Variants in CACNA1C observed in about 807,000 individuals in gnomAD.
CACNA1C encodes the protein calcium voltage-gated channel subunit alpha1 C.
Under a neutral mutation model 229.0 loss-of-function variants are expected in CACNA1C, and 30 were observed. The observed-to-expected ratio is 0.13, with a 90% CI of 0.10 to 0.18. CACNA1C has a LOEUF of 0.18. Among genes scored for constraint, CACNA1C ranks in the 10% least tolerant of loss-of-function variants. The pLI is 1.00. For synonymous variants in CACNA1C, 1,114 were observed against 1,132.5 expected, an observed-to-expected ratio of 0.98 and a Z score of 0.33; for missense variants, 1,658 against 2,845.0, an observed-to-expected ratio of 0.58 and a Z score of 9.49.
At chr12:2,375,576 G>A (rs186205696) in intron 3 of CACNA1C, among the ~76,000 whole-genome samples, 5 of 152,278 alleles carry the variant, frequency 3.3e-5, no homozygotes, top group African/African-American at 4.8e-5. Flanking sequence ...TTTCTTTTCC[G>A]AGGTATTTCA....
rs1045894497 is a variant in CACNA1C at position 2,251,328 on chromosome 12, G to A, written c.477+130898G>A. On this transcript the variant is annotated intron_variant, in intron 3 of 46. Transcript: ENST00000399655. ...CATGAGGGCAGGCGGTCAATGGCTGGTCAGAGCTATACCCAGCTTTCTAGT... is the reference window on the plus strand; with the variant it reads ...CATGAGGGCAGGCGGTCAATGGCTGATCAGAGCTATACCCAGCTTTCTAGT... Among the ~76,000 whole-genome samples the A allele has an allele frequency of 7.9e-5, 12 of 152,188 alleles. No homozygotes were observed. The East Asian group carries it at 2.3e-3, about 29-fold the overall frequency.
At chr12:2,489,206 G>A (rs2099708352) in intron 6 of CACNA1C, among the ~76,000 whole-genome samples, 1 of 152,046 alleles carries the variant, frequency 6.6e-6, no homozygotes, top group Non-Finnish European at 1.5e-5. Flanking sequence ...AGCCTTTGTT[G>A]TAATTTTTGA....
intron 9 of CACNA1C, among the ~76,000 whole-genome samples, chr12:2,527,927 CA>C (rs912180350): frequency 1.3e-5 from 2 of 152,296 alleles, no homozygotes; most frequent in African/African-American, 2.4e-5. Flanking sequence ...TCCCAAGCTT[CA>C]ATAAAAACTG....
chr12:2,661,789 C>A (rs956902424), intron 34 of CACNA1C, among the ~76,000 whole-genome samples: 3 of 152,126 alleles, frequency 2.0e-5, no homozygotes, highest in Non-Finnish European at 2.9e-5. Context: ...ACTAAAAACC[C>A]TTTAGGACAA....
chr12:2,139,022 T>G (rs927807985), intron 3 of CACNA1C, among the ~76,000 whole-genome samples: 1 of 150,870 alleles, frequency 6.6e-6, no homozygotes, highest in African/African-American at 2.4e-5. Flanking sequence ...TCAGTGTGTT[T>G]GTTTTCTAGC....
At chr12:2,686,636 A>G (rs921065134) in intron 45 of CACNA1C, among the ~76,000 whole-genome samples, 3 of 152,224 alleles carry the variant, frequency 2.0e-5, no homozygotes, top group Non-Finnish European at 4.4e-5. Context: ...ACTTGTACCT[A>G]GAGTTTGAAT....
intron 30 of CACNA1C, among the ~76,000 whole-genome samples, chr12:2,636,941 A>G (rs1194985034): frequency 1.3e-5 from 2 of 152,250 alleles, no homozygotes; most frequent in African/African-American, 4.8e-5. Flanking sequence ...GTCGGGGGAC[A>G]GGGTGGCAAC....
In CACNA1C at chr12:2,679,614, C is replaced by G; in HGVS notation, c.5262C>G (p.Thr1754=). 6.2e-7 allele frequency: 1 copy of G among 1,613,862 alleles called. No homozygotes were observed. The highest frequency in any genetic ancestry group is 8.5e-7 in the Non-Finnish European group (1 of 1,179,836). ...SHEKLVDSTF[T]PSSYSSTGSN... is the part of the protein sequence containing the mutation. ...AGAAGCTGGTGGACTCCACCTTCACCCCGAGCAGCTACTCGTCCACCGGCT... is the reference window on the plus strand; with the variant it reads ...AGAAGCTGGTGGACTCCACCTTCACGCCGAGCAGCTACTCGTCCACCGGCT... Residue 1754 remains threonine (T), a synonymous_variant, in exon 42 of 47, where the codon ACC becomes ACG. Transcript: ENST00000399655. The surrounding 1 kb of genome is among the most constrained non-coding windows in gnomAD (Gnocchi z 5.5).
chr12:2,363,316 G>T (rs1474751858), intron 3 of CACNA1C, among the ~76,000 whole-genome samples: 2 of 152,168 alleles, frequency 1.3e-5, no homozygotes, highest in Non-Finnish European at 2.9e-5. Context: ...GAGGATCTTG[G>T]AAACCACTAA....
intron 3 of CACNA1C, among the ~76,000 whole-genome samples, chr12:2,199,232 C>T (rs2097514688): frequency 6.6e-6 from 1 of 152,150 alleles, no homozygotes; most frequent in Admixed American, 6.5e-5. Flanking sequence ...GGACGTTGCA[C>T]TTGCTACAGC....
intron 3 of CACNA1C, among the ~76,000 whole-genome samples, chr12:2,368,396 A>G (rs953897337): frequency 6.6e-6 from 1 of 152,224 alleles, no homozygotes; most frequent in African/African-American, 2.4e-5. Context: ...CTAACTGAAA[A>G]TAGTTAGCAT....
chr12:2,435,174 G>A (rs1238385320), intron 3 of CACNA1C, among the ~76,000 whole-genome samples: 3 of 152,126 alleles, frequency 2.0e-5, no homozygotes, highest in African/African-American at 7.2e-5. Flanking sequence ...GGAGGTCACC[G>A]ACCTTGACCA....
At position 2,285,100 on chromosome 12, in the gene CACNA1C, G is replaced by T. The variant is rs1041314504; in HGVS notation, c.478-163876G>T. 3.9e-5 allele frequency among the ~76,000 whole-genome samples: 6 copies of T among 152,146 alleles called. No individual in the cohort carries two copies. The highest frequency in any genetic ancestry group is 1.2e-4 in the African/African-American group (5 of 41,424). On this transcript the variant is annotated intron_variant, in intron 3 of 46. Transcript: ENST00000399655. The surrounding 1 kb of genome is among the most constrained non-coding windows in gnomAD (Gnocchi z 4.2). Reference sequence around the variant, plus strand: ...GAGGAGGGACGGGCCGCTAAGTGCTGACGGCAGCCTGTCACTCACACCTTG... The same window carrying T: ...GAGGAGGGACGGGCCGCTAAGTGCTTACGGCAGCCTGTCACTCACACCTTG...
intron 11 of CACNA1C, among the ~76,000 whole-genome samples, chr12:2,565,091 C>A (rs1328345162): frequency 6.6e-6 from 1 of 152,190 alleles, no homozygotes; most frequent in Non-Finnish European, 1.5e-5. Flanking sequence ...ACCATAGAAT[C>A]TTAAAATGTG....
intron 5 of CACNA1C, among the ~76,000 whole-genome samples, chr12:2,463,060 C>A (rs913418230): frequency 1.3e-5 from 2 of 149,660 alleles, no homozygotes. Context: ...CTATAGGCAC[C>A]CGCCACCACG....
chr12:2,650,458 G>A (rs1005003601), intron 31 of CACNA1C, among the ~76,000 whole-genome samples: 1 of 152,188 alleles, frequency 6.6e-6, no homozygotes, highest in Non-Finnish European at 1.5e-5. Context: ...CACCTCGCGG[G>A]AGGTGTGGAC....
rs3885769 is a variant in CACNA1C at position 2,287,667 on chromosome 12, A to G, written c.478-161309A>G. Reference sequence around the variant, plus strand: ...ACAAAAAACAATGCCAGGATCCTACAGTCTACTCCACGCCCTTCATTTTCA... The same window carrying G: ...ACAAAAAACAATGCCAGGATCCTACGGTCTACTCCACGCCCTTCATTTTCA... On this transcript the variant is annotated intron_variant, in intron 3 of 46. Transcript: ENST00000399655. The surrounding 1 kb of genome is among the most constrained non-coding windows in gnomAD (Gnocchi z 4.6). Among the ~76,000 whole-genome samples the G allele has an allele frequency of 0.053, 8,032 of 152,288 alleles. 260 individuals are homozygous for G. The highest frequency in any genetic ancestry group is 0.078 in the African/African-American group (3,222 of 41,546).
At chr12:2,103,587 C>T (rs1294798776) in intron 1 of CACNA1C, among the ~76,000 whole-genome samples, 1 of 152,158 alleles carries the variant, frequency 6.6e-6, no homozygotes, top group Admixed American at 6.5e-5. Context: ...TTAATCAGAT[C>T]CCATTTGTCT....
At chr12:2,042,719 T>C (rs2050334024) in intron 1 of CACNA1C, among the ~76,000 whole-genome samples, 1 of 152,190 alleles carries the variant, frequency 6.6e-6, no homozygotes, top group East Asian at 1.9e-4. Context: ...GCAGGTGGGC[T>C]CCAGGCTCTG....
Sources: gnomAD v4.1 joint callset for allele counts (sites outside exome capture counted in the v4.1 genomes callset) on GRCh38, gnomAD v4.1.1 for gene constraint, Gnocchi (gnomAD v3.1) non-coding constraint, MANE v1.5 for transcripts, NCBI Gene and HGNC (gene_info 2026-07-23, HGNC 2026-07-21) for gene names.